Variants in FLNB observed in about 807,000 individuals in gnomAD.
FLNB encodes the protein filamin-B.
A neutral mutation model predicts 250.6 loss-of-function variants in FLNB; 111 were observed. The ratio of observed to expected loss-of-function variants is 0.44; its 90% CI spans 0.38 to 0.52. The LOEUF (loss-of-function observed/expected upper bound fraction) is 0.52. Ranked by LOEUF, FLNB falls within the 20% of genes least tolerant of loss-of-function variation. FLNB has a pLI of 0.00. For missense variants in FLNB, 2,869 were observed against 3,447.8 expected (o/e 0.83, Z 4.20); for synonymous variants, 1,302 against 1,372.1 (o/e 0.95, Z 1.13).
intron 1 of FLNB, among the ~76,000 whole-genome samples, chr3:58,039,328 T>C (rs1415417021): frequency 6.9e-6 from 1 of 144,536 alleles, no homozygotes; most frequent in African/African-American, 2.5e-5. Context: ...AAAAAAAAGG[T>C]GTAGAAAAGT....
intron 15 of FLNB, 104 bp from the exon 16 acceptor site, chr3:58,109,906 G>A (rs1402294965): frequency 1.3e-6 from 2 of 1,502,634 alleles, no homozygotes; most frequent in Non-Finnish European, 1.9e-6. Flanking sequence ...TTTCTTACTA[G>A]AAACTTCCCA....
chr3:58,148,452 C>T, intron 35 of FLNB, 88 bp downstream of exon 35: 5 of 1,469,306 alleles, frequency 3.4e-6, no homozygotes, highest in Non-Finnish European at 4.7e-6. Context: ...GAATGGGTAG[C>T]ACAATGGAGT....
chr3:58,101,676 T>A (rs1311624746), intron 8 of FLNB, among the ~76,000 whole-genome samples: 1 of 152,142 alleles, frequency 6.6e-6, no homozygotes, highest in Non-Finnish European at 1.5e-5. Flanking sequence ...GCTGAACTGG[T>A]CTCTTTCCAA....
intron 42 of FLNB, chr3:58,162,731 G>A: frequency 3.7e-6 from 1 of 267,832 alleles, no homozygotes; most frequent in Non-Finnish European, 7.3e-6. Context: ...AGCCTTAAGT[G>A]GTGAGGTCTT....
chr3:58,138,309 C>T lies in FLNB; in HGVS notation c.4889C>T (p.Thr1630Ile). The part of the protein sequence containing the change: ...TGPGIASTVK[T>I]GEEVGFVVDA... ...CCTGGAATCGCCTCCACTGTGAAAA[C>T]TGGCGAAGAAGTAGGCTTTGTGGTT... The change falls in exon 29 of 46, where the codon ACT (threonine) becomes ATT (isoleucine). Residue 1630 changes from threonine (T) to isoleucine (I), a missense_variant. Coordinates refer to ENST00000295956, the MANE Select transcript of FLNB (RefSeq NM_001457.4). 1.2e-6 allele frequency: 2 copies of T among 1,614,192 alleles called. No individual in the cohort carries two copies. The highest frequency in any genetic ancestry group is 1.7e-6 in the Non-Finnish European group (2 of 1,180,052).
intron 1 of FLNB, among the ~76,000 whole-genome samples, chr3:58,040,564 G>A (rs1377409365): frequency 2.0e-5 from 3 of 152,120 alleles, no homozygotes; most frequent in Admixed American, 6.5e-5. Flanking sequence ...GCCTGATCTC[G>A]GCTCACTGCA....
chr3:58,116,498 G>A (rs560232613), intron 18 of FLNB, among the ~76,000 whole-genome samples: 29 of 152,292 alleles, frequency 1.9e-4, no homozygotes, highest in African/African-American at 6.5e-4. Context: ...ACACCTGCAG[G>A]CCTGCCACTC....
intron 8 of FLNB, among the ~76,000 whole-genome samples, chr3:58,100,203 TA>T: frequency 6.6e-6 from 1 of 151,998 alleles, no homozygotes; most frequent in East Asian, 1.9e-4. Flanking sequence ...GCATTTTGAA[TA>T]GCTTTCCTAA....
At chr3:58,060,804 G>GAAAGA (rs141110986) in intron 1 of FLNB, among the ~76,000 whole-genome samples, 119 of 118,562 alleles carry the variant, frequency 1.0e-3, no homozygotes, top group African/African-American at 2.9e-3. Context: ...AAAAAAGAAA[G>GAAAGA]AAAGAAAAGA....
chr3:58,023,971 A>T (rs970489587), intron 1 of FLNB, among the ~76,000 whole-genome samples: 3 of 152,192 alleles, frequency 2.0e-5, no homozygotes, highest in South Asian at 2.1e-4. Context: ...CATGTTTCAG[A>T]TGTGAGCCTG....
At chr3:58,091,332 T>C (rs2107021798) in intron 4 of FLNB, among the ~76,000 whole-genome samples, 1 of 152,316 alleles carries the variant, frequency 6.6e-6, no homozygotes. Context: ...TTTTGTAGTA[T>C]TGGTCAAAGG....
In FLNB at chr3:58,150,198, G is replaced by C. The variant is rs143943560; in HGVS notation, c.6338G>C (p.Ser2113Thr). Residue 2113 changes from serine to threonine, a missense_variant, in exon 38 of 46, where the codon AGC (serine) becomes ACC (threonine). Physicochemically the swap from Ser to Thr is moderately conservative, Grantham distance 58 (BLOSUM62 1). This residue lies in a region of FLNB where 1,084 missense variants were observed against 1,315.5 expected (regional missense o/e 0.82). Transcript: ENST00000295956. ...SRAPSVATVG[S>T]ICDLNLKIPE... is the part of the protein sequence containing the mutation. ...GCCCCGTCCGTGGCCACTGTCGGGA[G>C]CATTTGTGACCTGAACCTGAAAATC... The C allele has an allele frequency of 3.1e-6, 5 of 1,614,234 alleles. No individual in the cohort carries two copies. The Admixed American group carries it at 8.3e-5, about 27-fold the overall frequency.
intron 1 of FLNB, among the ~76,000 whole-genome samples, chr3:58,021,663 C>T (rs2097114234): frequency 6.6e-6 from 1 of 152,282 alleles, no homozygotes; most frequent in South Asian, 2.1e-4. Context: ...GCACCTCTTA[C>T]CTAATTGTCT....
rs2097348630 is a variant in FLNB at position 58,153,479 on chromosome 3, G to T, written c.6472G>T (p.Val2158Leu). The change falls in exon 39 of 46, where the codon GTG (valine) becomes TTG (leucine). Residue 2158 changes from valine to leucine, a missense_variant. By Grantham distance (32) the Val-to-Leu change is conservative (BLOSUM62 1). This residue lies in a region of FLNB where 1,084 missense variants were observed against 1,315.5 expected (regional missense o/e 0.82). Transcript: ENST00000295956. ...MGKNSHCVRFVPQEMGVHTVS... is the reference protein window; with the variant it reads ...MGKNSHCVRFLPQEMGVHTVS... The stretch of plus-strand genomic sequence containing the variant: ...GAAGAACTCACACTGCGTCCGGTTT[G>T]TGCCCCAGGAGATGGGCGTGCACAC... 6.2e-7 allele frequency: 1 copy of T among 1,614,248 alleles called. No homozygotes were observed. The highest frequency in any genetic ancestry group is 8.5e-7 in the Non-Finnish European group (1 of 1,180,054).
At chr3:58,150,923 G>A (rs1030114995) in intron 38 of FLNB, 5 of 153,562 alleles carry the variant, frequency 3.3e-5, no homozygotes, top group Non-Finnish European at 7.2e-5. Context: ...GCTCTGGAGA[G>A]GGGGTTGTCT....
intron 18 of FLNB, among the ~76,000 whole-genome samples, chr3:58,117,558 A>T (rs2097280658): frequency 6.6e-6 from 1 of 152,188 alleles, no homozygotes; most frequent in African/African-American, 2.4e-5. Context: ...GAAGCTCGGG[A>T]AGAGTTGGCA....
chr3:58,092,077 A>G (rs899526622), intron 4 of FLNB, among the ~76,000 whole-genome samples: 7 of 152,234 alleles, frequency 4.6e-5, no homozygotes, highest in Admixed American at 3.3e-4. Context: ...ACCCAATAAG[A>G]AAATGGGCAA....
intron 12 of FLNB, among the ~76,000 whole-genome samples, chr3:58,107,523 G>A (rs2097261633): frequency 6.6e-6 from 1 of 152,242 alleles, no homozygotes; most frequent in Admixed American, 6.5e-5. Context: ...CCTGGCCCAT[G>A]CAGGGAGCTC....
Position 58,008,454 on chromosome 3 carries a change from A to G in FLNB, c.-111A>G. 2 of 1,301,352 alleles carry G rather than the reference A, an allele frequency of 1.5e-6. No individual in the cohort carries two copies. Among genetic ancestry groups the G allele is most frequent in the Non-Finnish European group, 2.2e-6 (2 of 926,180 alleles). The allele number at this position is 1,301,352 out of a possible 1,614,324, so 80.6% of individuals were successfully genotyped here. On this transcript the variant is annotated 5_prime_UTR_variant, in exon 1 of 46. Transcript: ENST00000295956. ...CACCGGCCGTGGCTCCGGTAGCAGC[A>G]AGTTCGAACCCCGCTCCCGCTCCGC...
Sources: gnomAD v4.1 joint callset for allele counts (sites outside exome capture counted in the v4.1 genomes callset) on GRCh38, gnomAD v4.1.1 for gene constraint, gnomAD v4.1.1 regional missense constraint, MANE v1.5 for transcripts, NCBI Gene and HGNC (gene_info 2026-07-23, HGNC 2026-07-21) for gene names.